MYO1D: variants seen among roughly 807,000 people sequenced by gnomAD.
The protein encoded by MYO1D is unconventional myosin-Id.
MYO1D carries 83 observed loss-of-function variants against 122.0 expected under a neutral mutation model. The ratio of observed to expected loss-of-function variants is 0.68; its 90% CI spans 0.57 to 0.82. The LOEUF is 0.82. Among genes scored for constraint, MYO1D ranks in the 40% least tolerant of loss-of-function variants. MYO1D has a pLI of 0.00. For synonymous variants in MYO1D, 464 were observed against 446.9 expected (o/e 1.04, Z -0.48); for missense variants, 1,157 against 1,269.5 (o/e 0.91, Z 1.35).
At chr17:32,847,588 C>CTGGG (rs2090949622) in intron 1 of MYO1D, among the ~76,000 whole-genome samples, 1 of 152,194 alleles carries the variant, frequency 6.6e-6, no homozygotes, top group Admixed American at 6.5e-5. Flanking sequence ...AATCTCAGCT[C>CTGGG]ATTGCAATCT....
At chr17:32,736,470 G>A (rs73281816) in intron 14 of MYO1D, among the ~76,000 whole-genome samples, 5,482 of 152,252 alleles carry the variant, frequency 0.036, 328 homozygotes, top group African/African-American at 0.12. Flanking sequence ...ATGGTAGAGC[G>A]GAAGGACAGA....
Position 32,780,756 on chromosome 17 carries a change from T to C in MYO1D, c.124A>G (p.Ile42Val). 1.2e-6 allele frequency: 2 copies of C among 1,614,204 alleles called. No homozygotes were observed. The highest frequency in any genetic ancestry group is 2.7e-5 in the African/African-American group (2 of 75,050). ...TTCACAGAAACGACGACTTCTCCAA[T>C]GAACGTATAGATGCGCCCTTTTTCA... The part of the protein sequence containing the change: ...RFEKGRIYTF[I>V]GEVVVSVNPY... Residue 42 changes from isoleucine to valine, a missense_variant, in exon 2 of 22, where the codon ATT becomes GTT. Transcript: ENST00000318217.
In MYO1D at chr17:32,721,086, T is replaced by G. The variant is rs761382903; in HGVS notation, c.1850A>C (p.Glu617Ala). 6.2e-7 allele frequency: 1 copy of G among 1,614,180 alleles called. No homozygotes were observed. The highest frequency in any genetic ancestry group is 1.1e-5 in the South Asian group (1 of 91,070). The change falls in exon 15 of 22, where the codon GAA (glutamate) becomes GCA (alanine). Residue 617 changes from glutamate to alanine, a missense_variant. Glu to Ala is a moderately radical substitution (Grantham distance 107). Coordinates refer to ENST00000318217, the MANE Select transcript of MYO1D (RefSeq NM_015194.3). The part of the protein sequence containing the change: ...RHQVEYLGLL[E>A]NVRVRRAGFA... The stretch of plus-strand genomic sequence containing the variant: ...TCCTGCCCGACGCACTCTCACATTT[T>G]CCAGTAGTCCAAGATATTCTACTTG...
chr17:32,815,691 C>A (rs2151053554), intron 1 of MYO1D, among the ~76,000 whole-genome samples: 1 of 152,286 alleles, frequency 6.6e-6, no homozygotes, highest in South Asian at 2.1e-4. Flanking sequence ...AGTGACACAT[C>A]ACTCTGTGCA....
At chr17:32,766,759 T>C (rs1276037864) in intron 7 of MYO1D, among the ~76,000 whole-genome samples, 2 of 151,768 alleles carry the variant, frequency 1.3e-5, no homozygotes, top group Non-Finnish European at 2.9e-5. Flanking sequence ...ACCACTGCAC[T>C]CCAGCCTGGG....
chr17:32,834,994 G>C (rs552920365), intron 1 of MYO1D, among the ~76,000 whole-genome samples: 1 of 152,124 alleles, frequency 6.6e-6, no homozygotes, highest in Non-Finnish European at 1.5e-5. Context: ...CCTGGTGACA[G>C]AGTAAGACTC....
chr17:32,773,233 T>C (rs2090137290), intron 4 of MYO1D, among the ~76,000 whole-genome samples: 1 of 152,208 alleles, frequency 6.6e-6, no homozygotes, highest in Non-Finnish European at 1.5e-5. Context: ...AACCTCTTTC[T>C]CCTTTCAATT....
chr17:32,538,942 G>A (rs1910747443), intron 21 of MYO1D, among the ~76,000 whole-genome samples: 1 of 151,956 alleles, frequency 6.6e-6, no homozygotes, highest in Non-Finnish European at 1.5e-5. Flanking sequence ...CACACAAGAG[G>A]CCGGTTGTGG....
chr17:32,808,109 T>C (rs545132173), intron 1 of MYO1D, among the ~76,000 whole-genome samples: 9 of 152,152 alleles, frequency 5.9e-5, no homozygotes, highest in South Asian at 2.1e-4. Context: ...TGATGGGTCA[T>C]AGAATACTAA....
Position 32,565,256 on chromosome 17 carries a change from G to A in MYO1D, c.2864+39831C>T, listed in dbSNP as rs143987203. Among the ~76,000 whole-genome samples the A allele has an allele frequency of 2.6e-3, 393 of 152,012 alleles. 2 individuals carry two copies. The highest frequency in any genetic ancestry group is 7.9e-3 in the African/African-American group (328 of 41,462). On this transcript the variant is annotated intron_variant, in intron 21 of 21. Coordinates refer to ENST00000318217, the MANE Select transcript of MYO1D (RefSeq NM_015194.3). ...TGACCTCAGGTGATCCTCCTGCCTC[G>A]GCCTCCCAAAGTGCTGGGATTATAG...
intron 1 of MYO1D, among the ~76,000 whole-genome samples, chr17:32,823,034 G>A (rs1053174941): frequency 6.6e-6 from 1 of 152,144 alleles, no homozygotes; most frequent in Admixed American, 6.5e-5. Flanking sequence ...ACTTGGTCTG[G>A]TAAAATTATC....
At chr17:32,755,007 T>C (rs1041994327) in intron 11 of MYO1D, among the ~76,000 whole-genome samples, 10 of 152,216 alleles carry the variant, frequency 6.6e-5, no homozygotes, top group Non-Finnish European at 1.2e-4. Context: ...CTGTAATAAC[T>C]AGAATTACAA....
At chr17:32,792,469 C>A (rs2090363742) in intron 1 of MYO1D, 1 of 152,144 alleles carries the variant, frequency 6.6e-6, no homozygotes, top group Non-Finnish European at 1.5e-5. Context: ...CCCACCTTGC[C>A]AGTTCTTAGA....
At chr17:32,727,291 T>C (rs1004524857) in intron 14 of MYO1D, among the ~76,000 whole-genome samples, 8 of 152,162 alleles carry the variant, frequency 5.3e-5, no homozygotes, top group African/African-American at 1.9e-4. Context: ...GTGTGCGAGG[T>C]GAACTTGGCT....
chr17:32,814,171 C>T (rs568348303), intron 1 of MYO1D, among the ~76,000 whole-genome samples: 5 of 152,222 alleles, frequency 3.3e-5, no homozygotes, highest in Non-Finnish European at 7.4e-5. Context: ...TGGTAAAACC[C>T]TGTCTCCACT....
At chr17:32,675,519 AGTCAG>A (rs1315948089) in intron 16 of MYO1D, among the ~76,000 whole-genome samples, 2 of 152,168 alleles carry the variant, frequency 1.3e-5, no homozygotes, top group East Asian at 3.8e-4. Flanking sequence ...ATAACAATCA[AGTCAG>A]AACACATTTT....
At chr17:32,776,949 C>T (rs962827638) in intron 3 of MYO1D, among the ~76,000 whole-genome samples, 2 of 152,172 alleles carry the variant, frequency 1.3e-5, no homozygotes, top group Admixed American at 1.3e-4. Flanking sequence ...AGAAGATCTA[C>T]TGTTACTCCC....
intron 21 of MYO1D, among the ~76,000 whole-genome samples, chr17:32,555,394 C>T (rs1430155710): frequency 2.0e-5 from 3 of 151,364 alleles, no homozygotes; most frequent in Admixed American, 2.0e-4. Flanking sequence ...ATACACAGAT[C>T]TATATGCAAA....
intron 1 of MYO1D, among the ~76,000 whole-genome samples, chr17:32,801,119 T>C (rs2090457282): frequency 6.6e-6 from 1 of 152,162 alleles, no homozygotes; most frequent in South Asian, 2.1e-4. Flanking sequence ...TCTATTAATA[T>C]GACATTTCAA....
Sources: allele counts gnomAD v4.1 joint callset (sites outside exome capture counted in the v4.1 genomes callset), GRCh38; gene constraint gnomAD v4.1.1; transcripts MANE v1.5; gene names NCBI Gene and HGNC (gene_info 2026-07-23, HGNC 2026-07-21).